ZFHX3: variants seen among roughly 807,000 people sequenced by gnomAD.
ZFHX3 encodes the protein zinc finger homeobox protein 3.
Under a neutral mutation model 279.1 loss-of-function variants are expected in ZFHX3, and 42 were observed. The observed-to-expected ratio is 0.15, with a 90% CI of 0.12 to 0.19. ZFHX3 has a LOEUF of 0.19. Among genes scored for constraint, ZFHX3 ranks in the 10% least tolerant of loss-of-function variants. The probability of loss-of-function intolerance (pLI) is 1.00; values close to 1 mark genes in which losing one functional copy is unlikely to be tolerated. For missense variants in ZFHX3, 4,981 were observed against 4,754.0 expected (o/e 1.05, Z -1.40); for synonymous variants, 2,293 against 1,957.8 (o/e 1.17, Z -4.52).
intron 2 of ZFHX3, among the ~76,000 whole-genome samples, chr16:73,630,771 G>T (rs533727192): frequency 6.6e-6 from 1 of 152,336 alleles, no homozygotes; most frequent in South Asian, 2.1e-4. Context: ...AAGCATGGTG[G>T]TGCTCAACTT....
At chr16:73,704,364 C>G (rs1597074120) in intron 1 of ZFHX3, among the ~76,000 whole-genome samples, 2 of 152,284 alleles carry the variant, frequency 1.3e-5, no homozygotes, top group East Asian at 1.9e-4. Context: ...AGAAATTGCT[C>G]TTACAGAGCA....
intron 3 of ZFHX3, among the ~76,000 whole-genome samples, chr16:72,941,073 G>A (rs1960388784): frequency 1.3e-5 from 2 of 152,214 alleles, no homozygotes; most frequent in African/African-American, 4.8e-5. Flanking sequence ...AGTGAACCAG[G>A]GGCAGCTTCA....
chr16:72,888,424 G>A (rs1372490029), intron 4 of ZFHX3, among the ~76,000 whole-genome samples: 3 of 152,130 alleles, frequency 2.0e-5, no homozygotes, highest in South Asian at 2.1e-4. Flanking sequence ...AGATGTCCAC[G>A]AAGCTCAGCA....
At chr16:73,406,105 G>C (rs924581823) in intron 3 of ZFHX3, among the ~76,000 whole-genome samples, 7 of 152,236 alleles carry the variant, frequency 4.6e-5, no homozygotes, top group Non-Finnish European at 1.0e-4. Context: ...CTGGGAAGCC[G>C]GCCTCAGGAT....
chr16:73,497,158 C>A (rs992427894), intron 2 of ZFHX3, among the ~76,000 whole-genome samples: 8 of 152,218 alleles, frequency 5.3e-5, no homozygotes, highest in African/African-American at 1.9e-4. Context: ...GCCTTCCTGG[C>A]CAGGACCTGA....
At chr16:73,574,796 A>G (rs75333916) in intron 2 of ZFHX3, among the ~76,000 whole-genome samples, 2,371 of 152,210 alleles carry the variant, frequency 0.016, 23 homozygotes, top group Non-Finnish European at 0.023. Flanking sequence ...TCCTGCTTCA[A>G]CTAAATCAAA....
intron 3 of ZFHX3, among the ~76,000 whole-genome samples, chr16:73,357,133 T>C (rs2016355685): frequency 6.6e-6 from 1 of 151,924 alleles, no homozygotes; most frequent in South Asian, 2.1e-4. Flanking sequence ...TCCAAATAGA[T>C]GATTTCTCAA....
At chr16:73,640,402 C>T (rs1268630141) in intron 2 of ZFHX3, among the ~76,000 whole-genome samples, 2 of 116,828 alleles carry the variant, frequency 1.7e-5, no homozygotes, top group African/African-American at 6.8e-5. Flanking sequence ...AGCTGAATCA[C>T]AGGGACAGAA....
chr16:73,084,911 A>G (rs114665710), intron 8 of ZFHX3, among the ~76,000 whole-genome samples: 3,399 of 152,322 alleles, frequency 0.022, 119 homozygotes, highest in African/African-American at 0.076. Context: ...GGACACAAAA[A>G]GATCAAAGAT....
intron 4 of ZFHX3, among the ~76,000 whole-genome samples, chr16:72,860,823 C>T (rs1466570434): frequency 1.3e-5 from 2 of 152,222 alleles, no homozygotes; most frequent in Non-Finnish European, 2.9e-5. Flanking sequence ...TGGCTAAATG[C>T]TCAGTCGTCT....
At chr16:73,192,185 T>A (rs931679053) in intron 5 of ZFHX3, among the ~76,000 whole-genome samples, 3 of 152,164 alleles carry the variant, frequency 2.0e-5, no homozygotes, top group Admixed American at 6.5e-5. Flanking sequence ...TGGGATCAGA[T>A]GTCCACTGAT....
chr16:73,150,717 A>G (rs1435347532), intron 5 of ZFHX3, among the ~76,000 whole-genome samples: 1 of 152,168 alleles, frequency 6.6e-6, no homozygotes, highest in Non-Finnish European at 1.5e-5. Context: ...TGCTCTCATG[A>G]TTTGGTGTAA....
At chr16:73,876,183 C>A (rs1281811880) in intron 1 of ZFHX3, among the ~76,000 whole-genome samples, 1 of 152,224 alleles carries the variant, frequency 6.6e-6, no homozygotes, top group Non-Finnish European at 1.5e-5. Flanking sequence ...GCACTGAATT[C>A]TGCAGCTGCT....
chr16:73,872,017 T>C (rs2029862959), intron 1 of ZFHX3, among the ~76,000 whole-genome samples: 1 of 152,248 alleles, frequency 6.6e-6, no homozygotes, highest in Non-Finnish European at 1.5e-5. Flanking sequence ...TAGGTCTAAC[T>C]GTAAGATTGT....
chr16:73,864,636 T>C (rs965526698), intron 1 of ZFHX3, among the ~76,000 whole-genome samples: 3 of 152,104 alleles, frequency 2.0e-5, no homozygotes, highest in African/African-American at 7.2e-5. Flanking sequence ...TGAAAATTGC[T>C]TGAACCCAGG....
chr16:73,530,154 C>T lies in ZFHX3; in HGVS notation c.-1546-73896G>A, dbSNP rs149252645. Among the ~76,000 whole-genome samples the T allele has an allele frequency of 1.8e-3, 275 of 152,274 alleles. 2 individuals are homozygous for T. The highest frequency in any genetic ancestry group is 6.2e-3 in the African/African-American group (259 of 41,548). Reference sequence around the variant, plus strand: ...GGTGGAAGGCAAAAGTCACGTCTTACATGGTGGCAGGCAAGAGAGAGAATG... The same window carrying T: ...GGTGGAAGGCAAAAGTCACGTCTTATATGGTGGCAGGCAAGAGAGAGAATG... On this transcript the variant is annotated intron_variant, in intron 2 of 17. Transcript: ENST00000641206.
At chr16:73,092,725 G>A (rs550642429) in intron 8 of ZFHX3, 27 of 337,172 alleles carry the variant, frequency 8.0e-5, no homozygotes, top group South Asian at 5.7e-4. Flanking sequence ...CTGGGAGAGC[G>A]CTTATATGGG....
chr16:73,630,151 G>C (rs774863234), intron 2 of ZFHX3, among the ~76,000 whole-genome samples: 2 of 152,092 alleles, frequency 1.3e-5, no homozygotes, highest in Non-Finnish European at 2.9e-5. Flanking sequence ...CTGAAAGGTA[G>C]ACACTTTGGA....
At chr16:73,434,022 T>C (rs764180696) in intron 3 of ZFHX3, among the ~76,000 whole-genome samples, 3 of 152,198 alleles carry the variant, frequency 2.0e-5, no homozygotes, top group Non-Finnish European at 4.4e-5. Flanking sequence ...GGAGGCGTCC[T>C]TTGTGGCTCT....
Sources: gnomAD v4.1 joint callset for allele counts (sites outside exome capture counted in the v4.1 genomes callset) on GRCh38, gnomAD v4.1.1 for gene constraint, MANE v1.5 for transcripts, NCBI Gene and HGNC (gene_info 2026-07-23, HGNC 2026-07-21) for gene names.